The following SLC14A2 variants were observed in gnomAD, a reference collection of about 807,000 sequenced individuals.
The protein encoded by SLC14A2 is urea transporter 2.
In SLC14A2, 91 loss-of-function variants were observed where a neutral mutation model predicts 104.6. The observed-to-expected ratio is 0.87, with a 90% confidence interval of 0.73 to 1.04. The LOEUF is 1.04. SLC14A2 is among the 50% of genes least tolerant of loss of function. The probability of loss-of-function intolerance (pLI) is 0.00; values close to 1 mark genes in which losing one functional copy is unlikely to be tolerated. For missense variants in SLC14A2, 1,189 were observed against 1,156.0 expected, an observed-to-expected ratio of 1.03 and a Z score of -0.41; for synonymous variants, 476 against 466.4, an observed-to-expected ratio of 1.02 and a Z score of -0.27.
intron 2 of SLC14A2, among the ~76,000 whole-genome samples, chr18:45,527,076 A>C (rs1296046623): frequency 6.6e-6 from 1 of 152,232 alleles, no homozygotes; most frequent in Non-Finnish European, 1.5e-5. Flanking sequence ...GAGGGGCATG[A>C]CTTGCCCAAA....
the SLC14A2 span, among the ~76,000 whole-genome samples, chr18:45,189,416 A>T: frequency 4.0e-4 from 61 of 152,334 alleles, no homozygotes; most frequent in Admixed American, 2.9e-3. Flanking sequence ...CAATACACCA[A>T]TAAGTGTTGT....
intron 1 of SLC14A2, among the ~76,000 whole-genome samples, chr18:45,367,722 C>T (rs1267445972): frequency 6.6e-6 from 1 of 152,042 alleles, no homozygotes; most frequent in Admixed American, 6.6e-5. Context: ...CCATGGAAAC[C>T]AGCAAGTGCT....
At chr18:45,439,345 T>C (rs16978369) in intron 1 of SLC14A2, among the ~76,000 whole-genome samples, 5,340 of 152,278 alleles carry the variant, frequency 0.035, 313 homozygotes, top group African/African-American at 0.12. Flanking sequence ...TTAACTTAGA[T>C]ACTAACCTGG....
the SLC14A2 span, among the ~76,000 whole-genome samples, chr18:45,187,774 T>A: frequency 2.1e-3 from 293 of 138,390 alleles, 3 homozygotes; most frequent in Admixed American, 8.0e-3. Context: ...AAAAAATAAA[T>A]AAATAAATTA....
At chr18:45,355,577 CAAAAAAAA>C (rs768389823) in intron 1 of SLC14A2, among the ~76,000 whole-genome samples, 4 of 51,144 alleles carry the variant, frequency 7.8e-5, no homozygotes, top group Admixed American at 2.6e-4. Flanking sequence ...TACTCTGTCT[CAAAAAAAA>C]AAAAAAAAAA....
intron 1 of SLC14A2, among the ~76,000 whole-genome samples, chr18:45,221,326 T>A (rs572187512): frequency 2.7e-4 from 41 of 152,310 alleles, no homozygotes; most frequent in Middle Eastern, 3.4e-3. Flanking sequence ...CTTATTGCAT[T>A]ATTAAAGATA....
chr18:45,317,630 C>T (rs2144231112), intron 1 of SLC14A2, among the ~76,000 whole-genome samples: 1 of 152,246 alleles, frequency 6.6e-6, no homozygotes, highest in South Asian at 2.1e-4. Flanking sequence ...GGGATGATTT[C>T]CGGTCAGAGC....
intron 1 of SLC14A2, among the ~76,000 whole-genome samples, chr18:45,243,150 A>G (rs182983356): frequency 1.3e-5 from 2 of 152,344 alleles, no homozygotes; most frequent in East Asian, 1.9e-4. Context: ...TTACCCTGCA[A>G]TGGATTCCTG....
intron 1 of SLC14A2, among the ~76,000 whole-genome samples, chr18:45,623,070 G>A (rs561003420): frequency 2.2e-4 from 33 of 152,254 alleles, no homozygotes; most frequent in African/African-American, 7.7e-4. Context: ...AGTAACATAA[G>A]GGGCCATGAA....
chr18:45,636,978 T>G lies in SLC14A2; in HGVS notation c.651-12T>G. On this transcript the variant is annotated splice_polypyrimidine_tract_variant and intron_variant, in intron 5 of 19. Transcript: ENST00000255226. ...GTCACAGGGATTAACCCTCTGTCTCTTGCATCTTCAGCCCAGTTCTTTCTA... is the reference window on the plus strand; with the variant it reads ...GTCACAGGGATTAACCCTCTGTCTCGTGCATCTTCAGCCCAGTTCTTTCTA... The G allele has an allele frequency of 6.2e-7, 1 of 1,611,436 alleles. No homozygotes were observed. The highest frequency in any genetic ancestry group is 8.5e-7 in the Non-Finnish European group (1 of 1,178,200).
intron 2 of SLC14A2, among the ~76,000 whole-genome samples, chr18:45,554,671 A>C (rs73955857): frequency 0.02 from 3,077 of 152,112 alleles, 104 homozygotes; most frequent in African/African-American, 0.071. Context: ...GTGGGGGGGA[A>C]TAAGGAGGGC....
At chr18:45,443,967 T>C (rs1283632004) in intron 1 of SLC14A2, among the ~76,000 whole-genome samples, 3 of 152,120 alleles carry the variant, frequency 2.0e-5, no homozygotes, top group Admixed American at 6.5e-5. Context: ...CAATTAGCAG[T>C]ACAAAATTCC....
chr18:45,202,004 A>C, the SLC14A2 span, among the ~76,000 whole-genome samples: 1 of 152,198 alleles, frequency 6.6e-6, no homozygotes, highest in Admixed American at 6.5e-5. Flanking sequence ...AACATTTCTT[A>C]AATGCAAGAG....
chr18:45,506,125 G>A (rs917639333), intron 2 of SLC14A2, among the ~76,000 whole-genome samples: 2 of 152,184 alleles, frequency 1.3e-5, no homozygotes, highest in Non-Finnish European at 2.9e-5. Context: ...GGACCTTGAA[G>A]GTGTCAGGTC....
At chr18:45,210,934 C>T (rs770891327), upstream of SLC14A2, among the ~76,000 whole-genome samples, 2 of 152,264 alleles carry the variant, frequency 1.3e-5, no homozygotes, top group Middle Eastern at 3.4e-3. Context: ...TTCTCTAACA[C>T]AAATGAAAGA....
intron 1 of SLC14A2, among the ~76,000 whole-genome samples, chr18:45,214,532 C>T (rs1417069377): frequency 1.3e-5 from 2 of 152,128 alleles, no homozygotes; most frequent in African/African-American, 4.8e-5. Flanking sequence ...CATTTTGTAT[C>T]TAATATTTCT....
intron 2 of SLC14A2, among the ~76,000 whole-genome samples, chr18:45,603,354 TGG>T (rs375362241): frequency 1.2e-4 from 18 of 151,990 alleles, no homozygotes; most frequent in African/African-American, 4.1e-4. Flanking sequence ...TCCCAGAGAG[TGG>T]TCTGATCTTT....
intron 10 of SLC14A2, among the ~76,000 whole-genome samples, chr18:45,645,635 A>G (rs1156989707): frequency 9.4e-5 from 14 of 148,560 alleles, no homozygotes; most frequent in Non-Finnish European, 1.8e-4. Context: ...ATATACAAAG[A>G]TATATATAGA....
At chr18:45,328,731 G>A (rs967216310) in intron 1 of SLC14A2, among the ~76,000 whole-genome samples, 3 of 152,288 alleles carry the variant, frequency 2.0e-5, no homozygotes, top group African/African-American at 7.2e-5. Flanking sequence ...CTTCTGCAAG[G>A]TGATGGGGGA....
Sources: gnomAD v4.1 joint callset for allele counts (sites outside exome capture counted in the v4.1 genomes callset) on GRCh38, gnomAD v4.1.1 for gene constraint, MANE v1.5 for transcripts, NCBI Gene and HGNC (gene_info 2026-07-23, HGNC 2026-07-21) for gene names.